TBC1D22A: variants seen among roughly 807,000 people sequenced by gnomAD.
The protein encoded by TBC1D22A is putative GTPase activator.
In TBC1D22A, 38 loss-of-function variants were observed where a neutral mutation model predicts 60.2. The observed-to-expected ratio is 0.63, with a 90% confidence interval of 0.49 to 0.83. TBC1D22A has a LOEUF of 0.83. Ranked by LOEUF, TBC1D22A falls within the 40% of genes least tolerant of loss-of-function variation. The probability of loss-of-function intolerance (pLI) is 0.00; values close to 1 mark genes in which losing one functional copy is unlikely to be tolerated. For missense variants in TBC1D22A, 628 were observed against 701.0 expected (o/e 0.90, Z 1.18); for synonymous variants, 302 against 281.7 (o/e 1.07, Z -0.72).
chr22:47,058,294 G>A (rs1310817044), intron 11 of TBC1D22A, among the ~76,000 whole-genome samples: 3 of 152,154 alleles, frequency 2.0e-5, no homozygotes, highest in Non-Finnish European at 4.4e-5. Flanking sequence ...TTACTGACTT[G>A]ACTTTCTTCT....
chr22:47,163,930 T>A (rs548217371), intron 12 of TBC1D22A, among the ~76,000 whole-genome samples: 5 of 152,338 alleles, frequency 3.3e-5, no homozygotes, highest in Admixed American at 2.6e-4. Flanking sequence ...ATCATTAGGC[T>A]GTGAGCAGCC....
At chr22:46,943,775 A>C (rs1298232728) in intron 8 of TBC1D22A, among the ~76,000 whole-genome samples, 2 of 152,138 alleles carry the variant, frequency 1.3e-5, no homozygotes, top group African/African-American at 2.4e-5. Context: ...GCCCTTTCTG[A>C]CATTTCATGT....
At chr22:46,852,239 G>A (rs1038098687) in intron 4 of TBC1D22A, among the ~76,000 whole-genome samples, 3 of 152,196 alleles carry the variant, frequency 2.0e-5, no homozygotes, top group East Asian at 1.9e-4. Flanking sequence ...AGAAGAAAGG[G>A]TGCCTTGAAG....
intron 6 of TBC1D22A, among the ~76,000 whole-genome samples, chr22:46,891,752 C>T (rs1453994933): frequency 6.6e-6 from 1 of 152,150 alleles, no homozygotes. Context: ...CCTAAAGGCC[C>T]AGGCCCAACC....
intron 4 of TBC1D22A, among the ~76,000 whole-genome samples, chr22:46,835,071 G>C (rs1471684491): frequency 6.6e-6 from 1 of 152,152 alleles, no homozygotes; most frequent in East Asian, 1.9e-4. Flanking sequence ...GAGTGGAGTG[G>C]GTACATTAAT....
intron 8 of TBC1D22A, among the ~76,000 whole-genome samples, chr22:46,941,677 A>ACGGAATATATATACG (rs1569249038): frequency 6.8e-6 from 1 of 146,676 alleles, no homozygotes; most frequent in African/African-American, 2.5e-5. Flanking sequence ...GAATATATAT[A>ACGGAATATATATACG]CGGAATATAT....
chr22:46,801,105 G>C (rs145894359), intron 4 of TBC1D22A, among the ~76,000 whole-genome samples: 17 of 152,334 alleles, frequency 1.1e-4, no homozygotes, highest in African/African-American at 4.1e-4. Context: ...TATTTTGTTA[G>C]GTTGAGGGGA....
chr22:47,004,386 G>A (rs2061511768), intron 10 of TBC1D22A, among the ~76,000 whole-genome samples: 1 of 144,974 alleles, frequency 6.9e-6, no homozygotes, highest in Admixed American at 6.8e-5. Flanking sequence ...ACACACCCCT[G>A]CACACAACCC....
chr22:47,005,073 A>G (rs898419484), intron 10 of TBC1D22A, among the ~76,000 whole-genome samples: 2 of 151,664 alleles, frequency 1.3e-5, no homozygotes, highest in African/African-American at 2.4e-5. Context: ...TGCCACATAC[A>G]TATACATGCA....
chr22:47,070,447 CCT>C (rs2063941051), intron 11 of TBC1D22A, among the ~76,000 whole-genome samples: 2 of 119,490 alleles, frequency 1.7e-5, no homozygotes, highest in South Asian at 5.3e-4. Flanking sequence ...GACGCTGTCC[CCT>C]GTTGTTTGGT....
chr22:47,152,632 C>G (rs909317034), intron 12 of TBC1D22A, among the ~76,000 whole-genome samples: 1 of 152,252 alleles, frequency 6.6e-6, no homozygotes, highest in Non-Finnish European at 1.5e-5. Flanking sequence ...CTTGGTGGCT[C>G]TCCTTGCTTA....
intron 8 of TBC1D22A, among the ~76,000 whole-genome samples, chr22:46,927,365 C>T (rs889667139): frequency 6.6e-6 from 1 of 152,194 alleles, no homozygotes; most frequent in African/African-American, 2.4e-5. Flanking sequence ...ATGATCATCT[C>T]AGCTGATATG....
At chr22:46,774,161 C>G (rs766950654) in intron 1 of TBC1D22A, 30 of 985,460 alleles carry the variant, frequency 3.0e-5, no homozygotes, top group African/African-American at 3.5e-5. Flanking sequence ...TGAGCTCAGC[C>G]TGAGGCCTGG....
At chr22:46,966,653 C>T (rs2148085829) in intron 8 of TBC1D22A, among the ~76,000 whole-genome samples, 1 of 152,334 alleles carries the variant, frequency 6.6e-6, no homozygotes, top group African/African-American at 2.4e-5. Flanking sequence ...ACGAGGACGG[C>T]AAAAGATACA....
intron 7 of TBC1D22A, among the ~76,000 whole-genome samples, chr22:46,902,425 A>AAT (rs1393019359): frequency 6.6e-6 from 1 of 152,276 alleles, no homozygotes; most frequent in Non-Finnish European, 1.5e-5. Context: ...GAATGTTACT[A>AAT]GAACTTTAGT....
rs145659430 is a variant in TBC1D22A at position 46,826,509 on chromosome 22, A to G, written c.637+28889A>G. ...TGGGCCATCTGTGTTTCTGCTGTCA[A>G]TTTCCTGAGCGGATTTTTCGCTGAT... On this transcript the variant is annotated intron_variant, in intron 4 of 12. Coordinates refer to ENST00000337137, the MANE Select transcript of TBC1D22A (RefSeq NM_014346.5). Among the ~76,000 whole-genome samples the G allele has an allele frequency of 5.6e-3, 856 of 152,190 alleles. 13 individuals carry two copies. Among genetic ancestry groups the G allele is most frequent in the African/African-American group, 0.019 (798 of 41,528 alleles).
chr22:46,955,900 T>C (rs1421598368), intron 8 of TBC1D22A, among the ~76,000 whole-genome samples: 1 of 152,194 alleles, frequency 6.6e-6, no homozygotes, highest in African/African-American at 2.4e-5. Flanking sequence ...CGGGGCTCCC[T>C]GTGGAGGCAA....
chr22:46,796,915 C>T lies in TBC1D22A; in HGVS notation c.461-529C>T, dbSNP rs912786722. ...AGACCCAGGAGGGCCAGGCAGGTGG[C>T]GGGGTTGGGCACGCTCTTGAGATGG... On this transcript the variant is annotated intron_variant, in intron 3 of 12. Transcript: ENST00000337137. 5.3e-5 allele frequency among the ~76,000 whole-genome samples: 8 copies of T among 152,332 alleles called. No individual in the cohort carries two copies. In the East Asian group the frequency reaches 1.3e-3, roughly 26 times the overall value.
intron 11 of TBC1D22A, among the ~76,000 whole-genome samples, chr22:47,060,067 A>C (rs1456207729): frequency 6.6e-6 from 1 of 152,064 alleles, no homozygotes; most frequent in African/African-American, 2.4e-5. Context: ...AAAAGGCCTC[A>C]TTTGGACAGG....
Sources: gnomAD v4.1 joint callset for allele counts (sites outside exome capture counted in the v4.1 genomes callset) on GRCh38, gnomAD v4.1.1 for gene constraint, MANE v1.5 for transcripts, NCBI Gene and HGNC (gene_info 2026-07-23, HGNC 2026-07-21) for gene names.